SLC24A2: variants seen among roughly 807,000 people sequenced by gnomAD.
The protein encoded by SLC24A2 is solute carrier family 24 member 2.
Under a neutral mutation model 62.0 loss-of-function variants are expected in SLC24A2, and 36 were observed. That is an observed-to-expected ratio of 0.58 (90% CI 0.44 to 0.77). The LOEUF (loss-of-function observed/expected upper bound fraction) is 0.77, where lower values mean the gene tolerates loss of function less well. SLC24A2 is among the 30% of genes least tolerant of loss of function. The pLI is 0.00. For synonymous variants in SLC24A2, 358 were observed against 294.0 expected, an observed-to-expected ratio of 1.22 and a Z score of -2.23; for missense variants, 846 against 817.9, an observed-to-expected ratio of 1.03 and a Z score of -0.42.
chr9:20,213,359 T>C, the SLC24A2 span, among the ~76,000 whole-genome samples: 2 of 151,784 alleles, frequency 1.3e-5, no homozygotes, highest in African/African-American at 2.4e-5. Context: ...TATTCTTAAA[T>C]GTTTTCATTA....
the SLC24A2 span, among the ~76,000 whole-genome samples, chr9:20,283,161 A>AATC: frequency 1.1e-4 from 16 of 152,280 alleles, no homozygotes; most frequent in East Asian, 2.7e-3. Flanking sequence ...AGGTCGAAAA[A>AATC]ATCATATTTT....
At chr9:20,148,771 T>A in the SLC24A2 span, among the ~76,000 whole-genome samples, 1 of 152,004 alleles carries the variant, frequency 6.6e-6, no homozygotes, top group Non-Finnish European at 1.5e-5. Flanking sequence ...ACTTTAGAAG[T>A]CCCAGTCTCA....
At chr9:20,087,418 G>C in the SLC24A2 span, among the ~76,000 whole-genome samples, 1 of 152,042 alleles carries the variant, frequency 6.6e-6, no homozygotes, top group African/African-American at 2.4e-5. Flanking sequence ...TTGATCTCTG[G>C]GGCTCATATA....
chr9:19,667,594 C>G (rs1425948399), intron 2 of SLC24A2, among the ~76,000 whole-genome samples: 1 of 152,140 alleles, frequency 6.6e-6, no homozygotes, highest in Non-Finnish European at 1.5e-5. Flanking sequence ...CATTCATTCT[C>G]TACTTCAGTC....
intron 9 of SLC24A2, among the ~76,000 whole-genome samples, chr9:19,523,329 T>A (rs1339433989): frequency 2.0e-5 from 3 of 152,160 alleles, no homozygotes; most frequent in Non-Finnish European, 4.4e-5. Flanking sequence ...CTTCCCTGAG[T>A]CTCAGTCTTT....
intron 2 of SLC24A2, among the ~76,000 whole-genome samples, chr9:19,722,523 G>A (rs1821056191): frequency 6.6e-6 from 1 of 152,010 alleles, no homozygotes; most frequent in African/African-American, 2.4e-5. Flanking sequence ...CCTAAAAAGT[G>A]CAGGATAAGT....
the SLC24A2 span, among the ~76,000 whole-genome samples, chr9:20,159,101 G>A: frequency 0.02 from 3,029 of 151,608 alleles, 46 homozygotes; most frequent in Non-Finnish European, 0.032. Flanking sequence ...AGAAATTTAA[G>A]GAAAGGAAGC....
the SLC24A2 span, among the ~76,000 whole-genome samples, chr9:19,847,184 ATCAT>A: frequency 6.6e-6 from 1 of 152,244 alleles, no homozygotes; most frequent in African/African-American, 2.4e-5. Flanking sequence ...TAAAAAGATA[ATCAT>A]TCAGAAGGTA....
At chr9:19,615,300 G>C (rs1214880858) in intron 4 of SLC24A2, among the ~76,000 whole-genome samples, 1 of 152,226 alleles carries the variant, frequency 6.6e-6, no homozygotes, top group African/African-American at 2.4e-5. Context: ...GAACACCAGT[G>C]ACATGAACGA....
the SLC24A2 span, among the ~76,000 whole-genome samples, chr9:20,223,122 T>C: frequency 6.6e-6 from 1 of 151,802 alleles, no homozygotes; most frequent in Admixed American, 6.6e-5. Context: ...GGAAATGTAA[T>C]AGACAAAAAA....
the SLC24A2 span, among the ~76,000 whole-genome samples, chr9:19,806,461 A>C: frequency 1.3e-5 from 2 of 152,194 alleles, no homozygotes; most frequent in Admixed American, 6.5e-5. Flanking sequence ...GAAGCTTAAG[A>C]AAACGTCACC....
the SLC24A2 span, among the ~76,000 whole-genome samples, chr9:19,962,017 T>A: frequency 4.9e-4 from 74 of 152,370 alleles, no homozygotes; most frequent in Middle Eastern, 3.4e-3. Context: ...TGTTTGGGGA[T>A]AATTGTTATA....
chr9:19,510,253 G>C lies in SLC24A2; in HGVS notation c.*5900C>G, dbSNP rs1832667043. The C allele has an allele frequency of 6.6e-6, 1 of 151,722 alleles. No homozygotes were observed. The highest frequency in any genetic ancestry group is 1.5e-5 in the Non-Finnish European group (1 of 67,936). 9.4% of individuals were successfully genotyped at this position (151,722 alleles called of 1,614,324 possible). ...TTAGTCATAAGGTTCCATCATTTAA[G>C]AACAATATAAAGAACTTAAAAAGGC... On this transcript the variant is annotated 3_prime_UTR_variant, in exon 11 of 11. Coordinates refer to ENST00000341998, the MANE Select transcript of SLC24A2 (RefSeq NM_020344.4).
chr9:20,050,222 G>A, the SLC24A2 span, among the ~76,000 whole-genome samples: 1 of 141,738 alleles, frequency 7.1e-6, no homozygotes, highest in East Asian at 2.0e-4. Flanking sequence ...TGGCCAACAT[G>A]GTGAAACCCC....
At chr9:20,262,093 A>T in the SLC24A2 span, among the ~76,000 whole-genome samples, 1 of 152,202 alleles carries the variant, frequency 6.6e-6, no homozygotes, top group Non-Finnish European at 1.5e-5. Flanking sequence ...CTAACATGTT[A>T]CATTTTCTCT....
At chr9:19,703,260 C>G (rs1385159846) in intron 2 of SLC24A2, among the ~76,000 whole-genome samples, 1 of 152,164 alleles carries the variant, frequency 6.6e-6, no homozygotes, top group Non-Finnish European at 1.5e-5. Context: ...GATGATAAAG[C>G]TAGGGCTCAG....
chr9:19,896,287 A>T, the SLC24A2 span, among the ~76,000 whole-genome samples: 1 of 152,196 alleles, frequency 6.6e-6, no homozygotes, highest in Admixed American at 6.5e-5. Flanking sequence ...AAAAGAGCCA[A>T]TGTTTTTTAC....
the SLC24A2 span, among the ~76,000 whole-genome samples, chr9:19,942,997 T>C: frequency 9.2e-5 from 14 of 152,240 alleles, no homozygotes; most frequent in East Asian, 9.6e-4. Context: ...GAGCAAGAAA[T>C]AGATCCTTTC....
intron 2 of SLC24A2, among the ~76,000 whole-genome samples, chr9:19,646,194 T>C (rs1043758849): frequency 6.4e-4 from 98 of 152,350 alleles, no homozygotes; most frequent in African/African-American, 2.2e-3. Flanking sequence ...CATATCAGTA[T>C]GTTCTGGTGC....
Sources: gnomAD v4.1 joint callset for allele counts (sites outside exome capture counted in the v4.1 genomes callset) on GRCh38, gnomAD v4.1.1 for gene constraint, MANE v1.5 for transcripts, NCBI Gene and HGNC (gene_info 2026-07-23, HGNC 2026-07-21) for gene names.